Variants in SLC38A12 observed in about 807,000 individuals in gnomAD.
The protein encoded by SLC38A12 is putative sodium-coupled neutral amino acid transporter 12.
At chr17:74,836,267 G>A in the SLC38A12 span, 1 of 1,611,648 alleles carries the variant, frequency 6.2e-7, no homozygotes, top group Non-Finnish European at 8.5e-7. This position sits in a 1 kb window ranked among gnomAD's most constrained non-coding sequence, Gnocchi z 4.2. Flanking sequence ...GCTTTTTCCT[G>A]GGCCTCTTCC....
chr17:74,777,092 C>T, the SLC38A12 span, among the ~76,000 whole-genome samples: 1 of 152,202 alleles, frequency 6.6e-6, no homozygotes, highest in Admixed American at 6.5e-5. Flanking sequence ...AGAAACCGTC[C>T]AGATTTCTGT....
the SLC38A12 span, among the ~76,000 whole-genome samples, chr17:74,824,214 C>G: frequency 2.0e-5 from 3 of 152,220 alleles, no homozygotes; most frequent in Non-Finnish European, 4.4e-5. Flanking sequence ...GAGGAGGCCT[C>G]TCTGCTCCGC....
the SLC38A12 span, among the ~76,000 whole-genome samples, chr17:74,812,721 A>G: frequency 6.6e-6 from 1 of 152,154 alleles, no homozygotes. Context: ...GTCAGCTCCC[A>G]CAGGTCTCTG....
chr17:74,788,565 C>G, the SLC38A12 span, among the ~76,000 whole-genome samples: 2 of 152,216 alleles, frequency 1.3e-5, no homozygotes, highest in Non-Finnish European at 2.9e-5. Flanking sequence ...TCACTTAGTT[C>G]ACACCTCTCT....
chr17:74,785,670 C>G, the SLC38A12 span: 5 of 1,573,864 alleles, frequency 3.2e-6, no homozygotes, highest in Non-Finnish European at 4.3e-6. Flanking sequence ...GCCCAGGAAG[C>G]CCGAACATGA....
chr17:74,816,747 T>A, the SLC38A12 span, among the ~76,000 whole-genome samples: 25 of 152,138 alleles, frequency 1.6e-4, no homozygotes, highest in Admixed American at 8.5e-4. Context: ...TGTAATGAGT[T>A]GGGCTACAAG....
the SLC38A12 span, among the ~76,000 whole-genome samples, chr17:74,822,940 G>A: frequency 0.028 from 4,253 of 152,282 alleles, 91 homozygotes; most frequent in East Asian, 0.075. Flanking sequence ...GGGACCCCAC[G>A]AGGGTTTCTC....
the SLC38A12 span, among the ~76,000 whole-genome samples, chr17:74,784,153 C>G: frequency 6.6e-6 from 1 of 151,978 alleles, no homozygotes; most frequent in Non-Finnish European, 1.5e-5. Flanking sequence ...GAGAAAAGTG[C>G]ATCTTTCTAA....
chr17:74,789,948 TTTTTTTG>T, the SLC38A12 span, among the ~76,000 whole-genome samples: 1,538 of 135,578 alleles, frequency 0.011, 9 homozygotes, highest in Middle Eastern at 0.021. Context: ...TTCTTTTTTG[TTTTTTTG>T]TTTTTTTGTT....
At chr17:74,790,994 C>T in the SLC38A12 span, 14 of 1,613,738 alleles carry the variant, frequency 8.7e-6, no homozygotes, top group Non-Finnish European at 1.1e-5. Flanking sequence ...AATCACAGAC[C>T]GGGTGGAAAT....
the SLC38A12 span, among the ~76,000 whole-genome samples, chr17:74,803,539 T>G: frequency 6.6e-6 from 1 of 152,178 alleles, no homozygotes. Flanking sequence ...CTGAGCTTTT[T>G]CAGGACCGTT....
chr17:74,833,812 G>A, the SLC38A12 span, among the ~76,000 whole-genome samples: 1 of 152,228 alleles, frequency 6.6e-6, no homozygotes, highest in East Asian at 1.9e-4. Flanking sequence ...GATGGCAGTG[G>A]CAGTGCAGGA....
chr17:74,795,529 C>T, the SLC38A12 span: 3 of 1,614,004 alleles, frequency 1.9e-6, no homozygotes, highest in Non-Finnish European at 1.7e-6. Flanking sequence ...ATCAGCAGCG[C>T]CACTGGCAAT....
chr17:74,799,718 T>A, the SLC38A12 span, among the ~76,000 whole-genome samples: 1 of 152,218 alleles, frequency 6.6e-6, no homozygotes, highest in Non-Finnish European at 1.5e-5. Flanking sequence ...TTTTTCTCGC[T>A]CTGCCAGGAT....
chr17:74,825,574 C>T, the SLC38A12 span, among the ~76,000 whole-genome samples: 1 of 152,202 alleles, frequency 6.6e-6, no homozygotes, highest in Admixed American at 6.5e-5. Context: ...AGGGTGTTGC[C>T]CTTGCAGCCG....
chr17:74,786,484 G>A, the SLC38A12 span, among the ~76,000 whole-genome samples: 11 of 152,346 alleles, frequency 7.2e-5, no homozygotes, highest in South Asian at 1.5e-3. Flanking sequence ...AAGTGACAGC[G>A]AGCAGTGAAG....
chr17:74,777,548 A>G, the SLC38A12 span: 1 of 1,536,982 alleles, frequency 6.5e-7, no homozygotes, highest in South Asian at 1.2e-5. Flanking sequence ...GGTGGCTCAG[A>G]ATGTAAGTCA....
the SLC38A12 span, among the ~76,000 whole-genome samples, chr17:74,782,137 G>A: frequency 6.6e-6 from 1 of 152,196 alleles, no homozygotes; most frequent in Non-Finnish European, 1.5e-5. Context: ...GCATGATCTC[G>A]GCTCACTGCA....
At chr17:74,785,962 C>T in the SLC38A12 span, among the ~76,000 whole-genome samples, 1 of 152,204 alleles carries the variant, frequency 6.6e-6, no homozygotes, top group Non-Finnish European at 1.5e-5. Flanking sequence ...GAGAAAATAC[C>T]ACCCAGCCAC....
Sources: allele counts gnomAD v4.1 joint callset (sites outside exome capture counted in the v4.1 genomes callset), GRCh38; gene constraint gnomAD v4.1.1; non-coding constraint Gnocchi (gnomAD v3.1); transcripts MANE v1.5; gene names NCBI Gene and HGNC (gene_info 2026-07-23, HGNC 2026-07-21).